The following CACNB2 variants were observed in gnomAD, a reference collection of about 807,000 sequenced individuals.
CACNB2 encodes calcium voltage-gated channel auxiliary subunit beta 2.
A neutral mutation model predicts 73.3 loss-of-function variants in CACNB2; 42 were observed. The ratio of observed to expected loss-of-function variants is 0.57; its 90% confidence interval spans 0.45 to 0.74. The LOEUF is 0.74. Ranked by LOEUF, CACNB2 falls within the 30% of genes least tolerant of loss-of-function variation. The probability of loss-of-function intolerance (pLI) is 0.00; values close to 1 mark genes in which losing one functional copy is unlikely to be tolerated. For synonymous variants in CACNB2, 348 were observed against 310.3 expected, an observed-to-expected ratio of 1.12 and a Z score of -1.28; for missense variants, 940 against 853.0, an observed-to-expected ratio of 1.10 and a Z score of -1.27.
intron 2 of CACNB2, among the ~76,000 whole-genome samples, chr10:18,217,815 A>G (rs2035574579): frequency 6.6e-6 from 1 of 151,942 alleles, no homozygotes; most frequent in African/African-American, 2.4e-5. Flanking sequence ...AGAGGTGGGA[A>G]GGGGAACCAG....
At chr10:18,335,784 AACACACACACACACAC>A (rs10545839) in intron 2 of CACNB2, among the ~76,000 whole-genome samples, 5 of 144,078 alleles carry the variant, frequency 3.5e-5, no homozygotes, top group South Asian at 2.3e-4. Context: ...ACAGCAAGAA[AACACACACACACACAC>A]ACACACACAC....
chr10:18,385,676 A>G (rs2043203127), intron 2 of CACNB2, among the ~76,000 whole-genome samples: 1 of 151,572 alleles, frequency 6.6e-6, no homozygotes, highest in Non-Finnish European at 1.5e-5. Context: ...TTCAAATGAC[A>G]GCAAAACGGT....
At chr10:18,213,732 C>T (rs965730717) in intron 2 of CACNB2, among the ~76,000 whole-genome samples, 1 of 152,164 alleles carries the variant, frequency 6.6e-6, no homozygotes, top group African/African-American at 2.4e-5. Flanking sequence ...ATTCTTTGAT[C>T]TATTTTAGGC....
At chr10:18,424,583 C>G (rs960504862) in intron 3 of CACNB2, among the ~76,000 whole-genome samples, 3 of 152,186 alleles carry the variant, frequency 2.0e-5, no homozygotes, top group Non-Finnish European at 4.4e-5. Flanking sequence ...CCTCAACCCC[C>G]TCTATCAGAG....
At chr10:18,211,811 G>A (rs1201670976) in intron 2 of CACNB2, among the ~76,000 whole-genome samples, 32 of 152,048 alleles carry the variant, frequency 2.1e-4, no homozygotes, top group Non-Finnish European at 4.4e-5. Flanking sequence ...GCGTGAATGC[G>A]ACACAATTCA....
chr10:18,358,613 T>C (rs893523871), intron 2 of CACNB2, among the ~76,000 whole-genome samples: 4 of 150,262 alleles, frequency 2.7e-5, no homozygotes, highest in Non-Finnish European at 5.9e-5. Flanking sequence ...GGTTTTCCTA[T>C]ACAGGTACAA....
At chr10:18,475,181 G>T (rs1465246188) in intron 3 of CACNB2, among the ~76,000 whole-genome samples, 1 of 151,776 alleles carries the variant, frequency 6.6e-6, no homozygotes, top group Non-Finnish European at 1.5e-5. Context: ...CACGGCCCTG[G>T]GGTCACACAC....
chr10:18,363,693 T>G (rs572382201), intron 2 of CACNB2, among the ~76,000 whole-genome samples: 2 of 152,174 alleles, frequency 1.3e-5, no homozygotes, highest in Admixed American at 1.3e-4. Flanking sequence ...AGCCAGAGGG[T>G]CTGAATTCAG....
intron 2 of CACNB2, among the ~76,000 whole-genome samples, chr10:18,167,638 C>T (rs1233414445): frequency 2.0e-5 from 3 of 152,060 alleles, no homozygotes; most frequent in Non-Finnish European, 4.4e-5. Context: ...CAACTCAGTA[C>T]CTGCATGATC....
At chr10:18,395,677 T>C (rs895891810) in intron 2 of CACNB2, among the ~76,000 whole-genome samples, 5 of 152,114 alleles carry the variant, frequency 3.3e-5, no homozygotes, top group African/African-American at 9.7e-5. Flanking sequence ...CTTGAGAAAA[T>C]TGAAACTGAC....
intron 6 of CACNB2, 150 bp downstream of exon 6, chr10:18,506,697 T>C: frequency 1.5e-6 from 1 of 679,156 alleles, no homozygotes; most frequent in South Asian, 1.6e-5. Flanking sequence ...CCTTTTGGAG[T>C]TACAAACAAT....
At chr10:18,437,907 C>G (rs12256813) in intron 3 of CACNB2, among the ~76,000 whole-genome samples, 1 of 149,422 alleles carries the variant, frequency 6.7e-6, no homozygotes, top group Admixed American at 6.7e-5. Context: ...GGAAATGTAT[C>G]TAAAATGATT....
At chr10:18,356,081 C>A (rs1240665847) in intron 2 of CACNB2, among the ~76,000 whole-genome samples, 1 of 152,196 alleles carries the variant, frequency 6.6e-6, no homozygotes, top group Non-Finnish European at 1.5e-5. Context: ...CCCTGGAGGT[C>A]CCAGGAGACC....
chr10:18,505,384 G>C (rs368633785), intron 5 of CACNB2, among the ~76,000 whole-genome samples: 1 of 152,070 alleles, frequency 6.6e-6, no homozygotes, highest in African/African-American at 2.4e-5. Context: ...AAATGTATTT[G>C]AGTATCTCTT....
At chr10:18,176,010 C>A (rs190961543) in intron 2 of CACNB2, among the ~76,000 whole-genome samples, 1 of 152,186 alleles carries the variant, frequency 6.6e-6, no homozygotes, top group African/African-American at 2.4e-5. Context: ...AGTACTTGTT[C>A]GTGTGTGAAA....
Position 18,224,705 on chromosome 10 carries a change from G to T in CACNB2, c.213+73730G>T, listed in dbSNP as rs75162602. Among the ~76,000 whole-genome samples the T allele has an allele frequency of 4.9e-4, 74 of 152,280 alleles. 1 individual carries two copies. The East Asian group carries it at 0.012, about 25-fold the overall frequency. On this transcript the variant is annotated intron_variant, in intron 2 of 13. Transcript: ENST00000324631. Reference sequence around the variant, plus strand: ...GGCCTACGTCCCACAACCATGACCAGCCCAGCGTTTGTGGGAGTTCAGTCC... The same window carrying T: ...GGCCTACGTCCCACAACCATGACCATCCCAGCGTTTGTGGGAGTTCAGTCC...
At position 18,467,912 on chromosome 10, in the gene CACNB2, T is replaced by C. The variant is rs116931074; in HGVS notation, c.334-30443T>C. On this transcript the variant is annotated intron_variant, in intron 3 of 13. Transcript: ENST00000324631. ...GATTTCCTGTTTTGTTATGTTCATCTTTGAATTCCCCTACTGCTTAGTATG... is the reference window on the plus strand; with the variant it reads ...GATTTCCTGTTTTGTTATGTTCATCCTTGAATTCCCCTACTGCTTAGTATG... 4.7e-3 allele frequency among the ~76,000 whole-genome samples: 709 copies of C among 152,374 alleles called. 5 individuals are homozygous for C. Among genetic ancestry groups the C allele is most frequent in the Non-Finnish European group, 7.5e-3 (509 of 68,034 alleles).
Position 18,539,819 on chromosome 10 carries a change from C to T in CACNB2, c.*95C>T, listed in dbSNP as rs996687772. The T allele has an allele frequency of 1.7e-6, 2 of 1,209,188 alleles. No individual in the cohort carries two copies. The highest frequency in any genetic ancestry group is 2.4e-6 in the Non-Finnish European group (2 of 850,376). The allele number at this position is 1,209,188 out of a possible 1,614,324, so 74.9% of individuals were successfully genotyped here. A position where few individuals can be genotyped will look rare whatever the true frequency, so the allele number is the denominator to read the frequency against. On this transcript the variant is annotated 3_prime_UTR_variant, in exon 14 of 14. Transcript: ENST00000324631. ...AAGTCTTTGGGGTCTACACTGCAAT[C>T]ATATGTGATCTGTCTTGTAATATTT...
At chr10:18,499,859 C>G (rs899975879) in intron 4 of CACNB2, among the ~76,000 whole-genome samples, 1 of 151,172 alleles carries the variant, frequency 6.6e-6, no homozygotes. Flanking sequence ...CACCGGTAGT[C>G]CTAGCTACTC....
Sources: allele counts gnomAD v4.1 joint callset (sites outside exome capture counted in the v4.1 genomes callset), GRCh38; gene constraint gnomAD v4.1.1; transcripts MANE v1.5; gene names NCBI Gene and HGNC (gene_info 2026-07-23, HGNC 2026-07-21).